Variants in LRTM1 observed in about 807,000 individuals in gnomAD.
The protein encoded by LRTM1 is leucine rich repeat transmembrane protein 1.
LRTM1 carries 38 observed loss-of-function variants against 32.4 expected under a neutral mutation model. The ratio of observed to expected loss-of-function variants is 1.17; its 90% confidence interval spans 0.91 to 1.54. LRTM1 has a LOEUF of 1.54. LRTM1 is among the 40% of genes most tolerant of loss of function. The pLI is 0.00. For synonymous variants in LRTM1, 186 were observed against 169.9 expected, an observed-to-expected ratio of 1.09 and a Z score of -0.74; for missense variants, 466 against 415.4, an observed-to-expected ratio of 1.12 and a Z score of -1.06.
chr3:54,920,225 G>A (rs1700801423), intron 2 of LRTM1, among the ~76,000 whole-genome samples: 1 of 152,166 alleles, frequency 6.6e-6, no homozygotes, highest in Non-Finnish European at 1.5e-5. Flanking sequence ...CAGAGTTTTA[G>A]GAATGCTTTC....
chr3:54,966,008 C>G (rs1462135018), intron 1 of LRTM1, among the ~76,000 whole-genome samples: 1 of 152,116 alleles, frequency 6.6e-6, no homozygotes, highest in Non-Finnish European at 1.5e-5. Context: ...CCCCAAGGAG[C>G]TGGGGTAGAG....
upstream of LRTM1, among the ~76,000 whole-genome samples, chr3:54,933,058 TTCCTTCCTTCCTTCCTTCCTTCC>T (rs1701237254): frequency 1.4e-4 from 1 of 7,052 alleles, no homozygotes; most frequent in African/African-American, 5.5e-4. Context: ...CCTCCCTTCC[TTCCTTCCTTCCTTCCTTCCTTCC>T]TTCCTTCCTT....
intron 1 of LRTM1, among the ~76,000 whole-genome samples, chr3:54,965,962 G>A (rs1702139822): frequency 1.3e-5 from 2 of 152,168 alleles, no homozygotes; most frequent in African/African-American, 4.8e-5. Context: ...TGATTAATGG[G>A]ATGGAGGGAC....
intron 1 of LRTM1, among the ~76,000 whole-genome samples, chr3:54,938,540 A>C (rs1701384374): frequency 6.6e-6 from 1 of 152,128 alleles, no homozygotes; most frequent in Admixed American, 6.5e-5. Flanking sequence ...AAAGTATATA[A>C]TACAAAGCCA....
At chr3:54,930,881 G>A (rs1701171076), upstream of LRTM1, among the ~76,000 whole-genome samples, 1 of 152,172 alleles carries the variant, frequency 6.6e-6, no homozygotes, top group East Asian at 1.9e-4. Flanking sequence ...TGGATCAGTT[G>A]AGGACAGGAG....
chr3:54,930,512 C>A (rs146762844), upstream of LRTM1, among the ~76,000 whole-genome samples: 1 of 152,268 alleles, frequency 6.6e-6, no homozygotes, highest in Admixed American at 6.5e-5. Flanking sequence ...ATATCTTAGA[C>A]TTGGGGGCCT....
intron 1 of LRTM1, among the ~76,000 whole-genome samples, chr3:54,937,176 C>T (rs1169496286): frequency 6.6e-6 from 1 of 152,192 alleles, no homozygotes; most frequent in Non-Finnish European, 1.5e-5. Context: ...TTCTGGACCC[C>T]TTTGTGTGTA....
intron 1 of LRTM1, among the ~76,000 whole-genome samples, chr3:54,965,917 C>T (rs1006598646): frequency 3.6e-4 from 54 of 152,070 alleles, no homozygotes; most frequent in African/African-American, 1.2e-3. Flanking sequence ...GAGGATGCAG[C>T]CTGCTGGAGG....
chr3:54,918,321 C>CTTTTTTTTT lies in LRTM1; in HGVS notation c.*129_*137dup, dbSNP rs60257399. ...CCAGAAATATTTTTTACAGACACAT[C>CTTTTTTTTT]TTTTTTTTTTCTTTTTTTTTTTTTT... On this transcript the variant is annotated 3_prime_UTR_variant, in exon 3 of 3. Transcript: ENST00000273286. 5.6e-5 allele frequency: 22 copies of CTTTTTTTTT among 394,432 alleles called. No individual in the cohort carries two copies. Among genetic ancestry groups the CTTTTTTTTT allele is most frequent in the African/African-American group, 2.6e-4 (9 of 34,136 alleles). 24.4% of individuals were successfully genotyped at this position (394,432 alleles called of 1,614,324 possible).
At chr3:54,942,733 A>T (rs1425715436) in intron 1 of LRTM1, among the ~76,000 whole-genome samples, 1 of 152,012 alleles carries the variant, frequency 6.6e-6, no homozygotes, top group Non-Finnish European at 1.5e-5. Context: ...TAAAAAAATA[A>T]AAAAAATTAG....
chr3:54,947,091 C>G (rs1023559572), intron 1 of LRTM1, among the ~76,000 whole-genome samples: 4 of 152,042 alleles, frequency 2.6e-5, no homozygotes, highest in African/African-American at 9.7e-5. Flanking sequence ...ACTATAATAC[C>G]AAAACTAACA....
chr3:54,965,458 C>T (rs929301725), intron 1 of LRTM1, among the ~76,000 whole-genome samples: 1 of 152,152 alleles, frequency 6.6e-6, no homozygotes, highest in Non-Finnish European at 1.5e-5. Context: ...CATGCCTCAC[C>T]TTACACAAAG....
chr3:54,937,649 G>A (rs1701363802), intron 1 of LRTM1, among the ~76,000 whole-genome samples: 1 of 152,202 alleles, frequency 6.6e-6, no homozygotes, highest in African/African-American at 2.4e-5. Flanking sequence ...AGCCTGAGAG[G>A]TGAGGGCAGG....
In LRTM1 at chr3:54,928,000, G is replaced by T; in HGVS notation, c.-89C>A. The T allele has an allele frequency of 2.4e-6, 3 of 1,226,384 alleles. No homozygotes were observed. Among genetic ancestry groups the T allele is most frequent in the Non-Finnish European group, 3.6e-6 (3 of 832,708 alleles). 76.0% of individuals were successfully genotyped at this position (1,226,384 alleles called of 1,614,324 possible). On this transcript the variant is annotated 5_prime_UTR_variant, in exon 1 of 3. Coordinates refer to ENST00000273286, the MANE Select transcript of LRTM1 (RefSeq NM_020678.4). ...ACACGAAGGGCATGGCAGACTCAGA[G>T]CCCAGCTTTACATTCAGTCTTTCTG... is the stretch of plus-strand genomic sequence containing the variant.
intron 1 of LRTM1, among the ~76,000 whole-genome samples, chr3:54,953,630 G>A (rs574849770): frequency 6.6e-6 from 1 of 152,296 alleles, no homozygotes; most frequent in East Asian, 1.9e-4. Context: ...AAAGACTTCT[G>A]TCCATGCTAA....
rs140110596 is a variant in LRTM1 at position 54,918,799 on chromosome 3, G to C, written c.698C>G (p.Pro233Arg). The change falls in exon 3 of 3, where the codon CCT (proline) becomes CGT (arginine). Residue 233 changes from proline (P) to arginine (R), a missense_variant. By Grantham distance (103) the Pro-to-Arg change is moderately radical (BLOSUM62 -2). Transcript: ENST00000273286. ...RIPHELYQPC[P>R]LPAPDPVSSQ... is the part of the protein sequence containing the mutation. Reference sequence around the variant, plus strand: ...GGACACTGGATCAGGAGCAGGAAGAGGGCAGGGCTGGTACAGCTCATGAGG... The same window carrying C: ...GGACACTGGATCAGGAGCAGGAAGACGGCAGGGCTGGTACAGCTCATGAGG... 5.4e-4 allele frequency: 879 copies of C among 1,613,848 alleles called. 2 individuals carry two copies. In the African/African-American group the frequency reaches 0.01, roughly 19 times the overall value.
intron 1 of LRTM1, among the ~76,000 whole-genome samples, chr3:54,955,915 G>A (rs1701878108): frequency 6.6e-6 from 1 of 152,100 alleles, no homozygotes; most frequent in Admixed American, 6.5e-5. Context: ...TTCCAGCCTC[G>A]CCATCTGCCT....
chr3:54,964,135 T>C (rs572233287), intron 1 of LRTM1, among the ~76,000 whole-genome samples: 2 of 152,222 alleles, frequency 1.3e-5, no homozygotes, highest in South Asian at 4.2e-4. Context: ...TTGGGGTCGC[T>C]GTCCTAGGAG....
In LRTM1 at chr3:54,918,332, C is replaced by CTTT. The variant is rs533596688; in HGVS notation, c.*124_*126dup. ...TTTTACAGACACATCTTTTTTTTTT[C>CTTT]TTTTTTTTTTTTTTTTTTTTTTTGT... On this transcript the variant is annotated 3_prime_UTR_variant, in exon 3 of 3. Coordinates refer to ENST00000273286, the MANE Select transcript of LRTM1 (RefSeq NM_020678.4). The CTTT allele has an allele frequency of 0.026, 5,823 of 227,926 alleles. 1,645 individuals are homozygous for CTTT. The highest frequency in any genetic ancestry group is 0.059 in the South Asian group (1,026 of 17,324). 14.1% of individuals were successfully genotyped at this position (227,926 alleles called of 1,614,324 possible).
Sources: allele counts gnomAD v4.1 joint callset (sites outside exome capture counted in the v4.1 genomes callset), GRCh38; gene constraint gnomAD v4.1.1; transcripts MANE v1.5; gene names NCBI Gene and HGNC (gene_info 2026-07-23, HGNC 2026-07-21).